The following KLKB1 variants were observed in gnomAD, a reference collection of about 807,000 sequenced individuals.
KLKB1 encodes plasma kallikrein.
KLKB1 carries 58 observed loss-of-function variants against 73.6 expected under a neutral mutation model. That is an observed-to-expected ratio of 0.79 (90% CI 0.64 to 0.98). The LOEUF (loss-of-function observed/expected upper bound fraction) is 0.98, where lower values mean the gene tolerates loss of function less well. KLKB1 is among the 50% of genes least tolerant of loss of function. KLKB1 has a pLI of 0.00. For missense variants in KLKB1, 737 were observed against 763.8 expected (o/e 0.96, Z 0.41); for synonymous variants, 280 against 258.1 (o/e 1.08, Z -0.81).
intron 2 of KLKB1, among the ~76,000 whole-genome samples, chr4:186,231,460 A>G (rs958739604): frequency 9.9e-5 from 15 of 152,270 alleles, no homozygotes; most frequent in African/African-American, 3.4e-4. Flanking sequence ...TCAATTTAGC[A>G]TATGCATGCA....
At chr4:186,241,684 GA>G (rs1310144747) in intron 6 of KLKB1, among the ~76,000 whole-genome samples, 2 of 151,688 alleles carry the variant, frequency 1.3e-5, no homozygotes, top group African/African-American at 2.4e-5. Flanking sequence ...ACATAAATTG[GA>G]AAAAAAAGGT....
chr4:186,250,259 C>A lies in KLKB1; in HGVS notation c.615C>A (p.Ile205=). 1 of 1,614,160 alleles carries A rather than the reference C, an allele frequency of 6.2e-7. No individual in the cohort carries two copies. Among genetic ancestry groups the A allele is most frequent in the Non-Finnish European group, 8.5e-7 (1 of 1,179,998 alleles). The change falls in exon 7 of 15, where the codon ATC becomes ATA. Residue 205 remains isoleucine, a synonymous_variant. Transcript: ENST00000264690. ...ALSEIGCHMN[I]FQHLAFSDVD... ...AGTTCACAGGTTGCCACATGAACAT[C>A]TTCCAGCATCTTGCGTTCTCAGATG... is the stretch of plus-strand genomic sequence containing the variant.
intron 4 of KLKB1, 133 bp downstream of exon 4, chr4:186,234,191 T>C (rs1737543353): frequency 1.4e-6 from 1 of 720,720 alleles, no homozygotes; most frequent in Non-Finnish European, 2.5e-6. Context: ...GGCAGTATTC[T>C]GGACACAAAA....
intron 2 of KLKB1, among the ~76,000 whole-genome samples, chr4:186,214,659 T>G (rs1458552668): frequency 2.0e-5 from 3 of 152,248 alleles, no homozygotes; most frequent in Non-Finnish European, 4.4e-5. Flanking sequence ...TCTGCCATGA[T>G]GACTTTCTGG....
chr4:186,226,581 C>T (rs1561446683), upstream of KLKB1: 2 of 152,384 alleles, frequency 1.3e-5, no homozygotes, highest in Non-Finnish European at 2.9e-5. Flanking sequence ...TGGGGGCTGA[C>T]TTGGCACTGA....
chr4:186,251,926 C>A (rs1671342592), intron 10 of KLKB1, 65 bp downstream of exon 10: 4 of 1,605,530 alleles, frequency 2.5e-6, no homozygotes, highest in Non-Finnish European at 3.4e-6. Flanking sequence ...TTTGCTTAGT[C>A]TTAAGGAATT....
At chr4:186,223,645 T>C (rs1484279400), upstream of KLKB1, among the ~76,000 whole-genome samples, 1 of 152,182 alleles carries the variant, frequency 6.6e-6, no homozygotes. Flanking sequence ...TGGCTTTTTC[T>C]GAAAGCATAC....
Position 186,248,896 on chromosome 4 carries a change from T to C in KLKB1, c.599-1347T>C, listed in dbSNP as rs535785203. Among the ~76,000 whole-genome samples the C allele has an allele frequency of 3.3e-5, 5 of 152,310 alleles. No individual in the cohort carries two copies. The South Asian group carries it at 1.0e-3, about 32-fold the overall frequency. On this transcript the variant is annotated intron_variant, in intron 6 of 14. Coordinates refer to ENST00000264690, the MANE Select transcript of KLKB1 (RefSeq NM_000892.5). ...AGTGTGAAGTGGTGTCTCACTGTGG[T>C]TTTGATATGCATTTCCCTAATGACT...
chr4:186,233,378 A>G (rs901822961), intron 3 of KLKB1, among the ~76,000 whole-genome samples: 1 of 152,228 alleles, frequency 6.6e-6, no homozygotes, highest in Non-Finnish European at 1.5e-5. Context: ...TGAGTTTACC[A>G]ACTAGAAATT....
In KLKB1 at chr4:186,257,349, G is replaced by A; in HGVS notation, c.1709G>A (p.Gly570Glu). 1.3e-6 allele frequency: 2 copies of A among 1,589,556 alleles called. No homozygotes were observed. Among genetic ancestry groups the A allele is most frequent in the Admixed American group, 1.7e-5 (1 of 58,400 alleles). The change falls in exon 14 of 15, where the codon GGA becomes GAA. Residue 570 changes from glycine (G) to glutamate (E), a missense_variant. Transcript: ENST00000264690. ...GTCTGTGCTGGCTATAAAGAAGGGG[G>A]AAAAGATGCTTGTAAGGTAACTCAT... ...RMVCAGYKEGGKDACKGDSGG... is the reference protein window; with the variant it reads ...RMVCAGYKEGEKDACKGDSGG...
At chr4:186,257,178 GTTATTA>G (rs755536815) in intron 13 of KLKB1, 42 bp from the exon 14 acceptor site, 10 of 1,011,182 alleles carry the variant, frequency 9.9e-6, no homozygotes, top group African/African-American at 3.3e-5. Context: ...TATTATTTAA[GTTATTA>G]TTATTAACTT....
At chr4:186,228,416 A>G (rs1291767495) in intron 2 of KLKB1, among the ~76,000 whole-genome samples, 163 bp downstream of exon 2, 2 of 152,222 alleles carry the variant, frequency 1.3e-5, no homozygotes, top group African/African-American at 4.8e-5. Flanking sequence ...AACAAGGACC[A>G]CTTGTCAGGT....
intron 2 of KLKB1, chr4:186,211,161 A>G (rs1736707195): frequency 6.4e-6 from 1 of 155,174 alleles, no homozygotes; most frequent in Non-Finnish European, 1.4e-5. Flanking sequence ...TTTTATCACC[A>G]CCATAGATGT....
At position 186,251,855 on chromosome 4, in the gene KLKB1, A is replaced by G. The variant is rs375447593; in HGVS notation, c.1138A>G (p.Asn380Asp). ...YSLRLCNTGDNSVCTTKTSTR... is the reference protein window; with the variant it reads ...YSLRLCNTGDDSVCTTKTSTR... ...TTTGAGATTGTGTAACACTGGGGACAACTCTGGTGAGTAACCTCACTTTTT... is the reference window on the plus strand; with the variant it reads ...TTTGAGATTGTGTAACACTGGGGACGACTCTGGTGAGTAACCTCACTTTTT... The change falls in exon 10 of 15, where the codon AAC becomes GAC. Residue 380 changes from asparagine (N) to aspartate (D), a missense_variant. Physicochemically the swap from Asn to Asp is conservative, Grantham distance 23. Coordinates refer to ENST00000264690, the MANE Select transcript of KLKB1 (RefSeq NM_000892.5). 1.2e-6 allele frequency: 2 copies of G among 1,611,798 alleles called. No homozygotes were observed. Among genetic ancestry groups the G allele is most frequent in the African/African-American group, 1.3e-5 (1 of 75,004 alleles).
At chr4:186,211,906 C>CTCATAGAA (rs1295875780) in intron 2 of KLKB1, 1 of 152,102 alleles carries the variant, frequency 6.6e-6, no homozygotes, top group African/African-American at 2.4e-5. Flanking sequence ...CATTTAATTC[C>CTCATAGAA]TCATAGAATC....
At chr4:186,228,402 C>T in intron 2 of KLKB1, 149 bp downstream of exon 2, 1 of 662,064 alleles carries the variant, frequency 1.5e-6, no homozygotes, top group Non-Finnish European at 2.8e-6. Flanking sequence ...ATTTAATGTT[C>T]CACAACAAGG....
intron 2 of KLKB1, chr4:186,210,931 G>C (rs1736699751): frequency 3.4e-6 from 1 of 293,224 alleles, no homozygotes. Context: ...CCACCTCCCA[G>C]GTTCAAGCAA....
chr4:186,236,659 A>G (rs1266647314), intron 4 of KLKB1, 122 bp from the exon 5 acceptor site: 2 of 839,374 alleles, frequency 2.4e-6, no homozygotes, highest in East Asian at 5.1e-5. Context: ...CTTAGTTAAT[A>G]TAGCAGTTGC....
intron 11 of KLKB1, 49 bp downstream of exon 11, chr4:186,252,234 T>G (rs763768183): frequency 1.3e-6 from 2 of 1,577,562 alleles, no homozygotes; most frequent in South Asian, 1.1e-5. Context: ...GCTTTTCATT[T>G]TGAAGGATCT....
Sources: allele counts gnomAD v4.1 joint callset (sites outside exome capture counted in the v4.1 genomes callset), GRCh38; gene constraint gnomAD v4.1.1; transcripts MANE v1.5; gene names NCBI Gene and HGNC (gene_info 2026-07-23, HGNC 2026-07-21).